The following FTO variants were observed in gnomAD, a reference collection of about 807,000 sequenced individuals.
The protein encoded by FTO is alpha-ketoglutarate-dependent dioxygenase FTO.
Under a neutral mutation model 63.9 loss-of-function variants are expected in FTO, and 47 were observed. That is an observed-to-expected ratio of 0.74 (90% CI 0.58 to 0.94). The LOEUF is 0.94. FTO is among the 40% of genes least tolerant of loss of function. The pLI is 0.00. For missense variants in FTO, 562 were observed against 618.1 expected (o/e 0.91, Z 0.96); for synonymous variants, 207 against 224.4 (o/e 0.92, Z 0.69).
intron 8 of FTO, among the ~76,000 whole-genome samples, chr16:53,982,619 T>A (rs1187665964): frequency 1.2e-4 from 18 of 152,172 alleles, no homozygotes; most frequent in Admixed American, 1.2e-3. Flanking sequence ...GAATGCTCAG[T>A]AATATTGCCC....
intron 1 of FTO, among the ~76,000 whole-genome samples, chr16:53,727,259 T>TA (rs1233995186): frequency 6.6e-6 from 1 of 152,250 alleles, no homozygotes; most frequent in African/African-American, 2.4e-5. Context: ...TGGCATATTC[T>TA]ATCAGCTTTC....
At chr16:54,009,670 G>A (rs1235439151) in intron 8 of FTO, among the ~76,000 whole-genome samples, 1 of 152,150 alleles carries the variant, frequency 6.6e-6, no homozygotes, top group Non-Finnish European at 1.5e-5. Flanking sequence ...TTCCCACCAA[G>A]TCTTGTGCCA....
intron 8 of FTO, among the ~76,000 whole-genome samples, chr16:54,084,432 C>T (rs777081490): frequency 4.6e-5 from 7 of 152,126 alleles, no homozygotes; most frequent in Non-Finnish European, 8.8e-5. Context: ...TTGGGGGAGA[C>T]AGTCAGATTC....
chr16:53,741,257 T>C (rs956431916), intron 1 of FTO, among the ~76,000 whole-genome samples: 32 of 152,214 alleles, frequency 2.1e-4, no homozygotes, highest in Non-Finnish European at 2.9e-5. Flanking sequence ...AGAAAAAAAA[T>C]CTGCTGACCC....
chr16:53,950,695 C>T (rs2082774565), intron 8 of FTO, among the ~76,000 whole-genome samples: 1 of 152,184 alleles, frequency 6.6e-6, no homozygotes, highest in Admixed American at 6.5e-5. Context: ...GCATTAATAA[C>T]ACACAAATAG....
At position 54,034,543 on chromosome 16, in the gene FTO, T is replaced by C. The variant is rs376112287; in HGVS notation, c.1365-77219T>C. ...GTTTCCCAAATTCTGTGTACAGTAG[T>C]GTGTCCTGGAACCTGTTTAGTCACA... On this transcript the variant is annotated intron_variant, in intron 8 of 8. Transcript: ENST00000471389. 3.9e-5 allele frequency among the ~76,000 whole-genome samples: 6 copies of C among 152,322 alleles called. No homozygotes were observed. In the South Asian group the frequency reaches 1.0e-3, roughly 26 times the overall value.
intron 8 of FTO, chr16:54,040,288 T>C (rs1332465576): frequency 5.3e-5 from 8 of 152,194 alleles, no homozygotes; most frequent in South Asian, 4.1e-4. Context: ...ATCAGTGGCT[T>C]TGAAATCCAA....
intron 1 of FTO, among the ~76,000 whole-genome samples, chr16:53,744,863 A>G (rs1332430157): frequency 6.7e-6 from 1 of 149,744 alleles, no homozygotes; most frequent in African/African-American, 2.5e-5. Context: ...TAGAGCTCCT[A>G]CCGTCTTTGA....
At chr16:53,813,895 G>A (rs2078601618) in intron 2 of FTO, among the ~76,000 whole-genome samples, 1 of 152,156 alleles carries the variant, frequency 6.6e-6, no homozygotes, top group African/African-American at 2.4e-5. Flanking sequence ...AGAGGAACCA[G>A]GCACAACTGT....
intron 5 of FTO, among the ~76,000 whole-genome samples, chr16:53,878,815 G>A (rs2080741277): frequency 6.6e-6 from 1 of 152,206 alleles, no homozygotes; most frequent in Admixed American, 6.5e-5. Context: ...GACTCAGAGA[G>A]GGATGAACTA....
chr16:53,792,065 G>C (rs1036043914), intron 1 of FTO, among the ~76,000 whole-genome samples: 2 of 138,974 alleles, frequency 1.4e-5, no homozygotes, highest in Non-Finnish European at 3.0e-5. Context: ...CACAGAGCGA[G>C]ACTTCGTCTC....
chr16:53,995,693 G>A (rs142524047), intron 8 of FTO, among the ~76,000 whole-genome samples: 109 of 152,272 alleles, frequency 7.2e-4, no homozygotes, highest in African/African-American at 1.3e-3. Context: ...TTCCTACTCC[G>A]CCTCCTTCAC....
At chr16:53,914,137 CGAA>C (rs1359124629) in intron 7 of FTO, among the ~76,000 whole-genome samples, 3 of 152,220 alleles carry the variant, frequency 2.0e-5, no homozygotes, top group Non-Finnish European at 4.4e-5. Context: ...TTTGCTGACT[CGAA>C]GAAGATCAAA....
chr16:54,076,356 G>A (rs537503301), intron 8 of FTO, among the ~76,000 whole-genome samples: 42 of 152,240 alleles, frequency 2.8e-4, no homozygotes, highest in African/African-American at 9.9e-4. Context: ...CTCTTCATGA[G>A]AATAAAGGAG....
At chr16:54,106,312 C>T (rs376856506) in intron 8 of FTO, among the ~76,000 whole-genome samples, 14 of 152,000 alleles carry the variant, frequency 9.2e-5, no homozygotes, top group African/African-American at 2.9e-4. Context: ...TGACACCTTT[C>T]GGCTGCTTCC....
chr16:53,801,093 A>G (rs548868899), intron 1 of FTO, among the ~76,000 whole-genome samples: 29 of 152,138 alleles, frequency 1.9e-4, no homozygotes, highest in African/African-American at 5.1e-4. Context: ...GATCATTTAC[A>G]GTTATTGTGA....
chr16:53,820,524 A>T (rs2078830710), intron 2 of FTO, among the ~76,000 whole-genome samples: 1 of 151,260 alleles, frequency 6.6e-6, no homozygotes, highest in East Asian at 1.9e-4. Context: ...ACATGTGCAC[A>T]TTGTGCAGGT....
At chr16:53,820,352 G>A (rs1408786899) in intron 2 of FTO, among the ~76,000 whole-genome samples, 1 of 152,094 alleles carries the variant, frequency 6.6e-6, no homozygotes, top group African/African-American at 2.4e-5. Context: ...TTACAGGACA[G>A]ATTATTAAAC....
intron 1 of FTO, among the ~76,000 whole-genome samples, chr16:53,800,945 A>G (rs2078203610): frequency 6.6e-6 from 1 of 151,774 alleles, no homozygotes; most frequent in Non-Finnish European, 1.5e-5. Context: ...CAATTTCACA[A>G]TGTCTTGTCC....
Sources: gnomAD v4.1 joint callset for allele counts (sites outside exome capture counted in the v4.1 genomes callset) on GRCh38, gnomAD v4.1.1 for gene constraint, MANE v1.5 for transcripts, NCBI Gene and HGNC (gene_info 2026-07-23, HGNC 2026-07-21) for gene names.